STARD13: variants seen among roughly 807,000 people sequenced by gnomAD.
STARD13 encodes stAR-related lipid transfer protein 13.
A neutral mutation model predicts 106.4 loss-of-function variants in STARD13; 62 were observed. The observed-to-expected ratio is 0.58, with a 90% confidence interval of 0.48 to 0.72. The LOEUF (loss-of-function observed/expected upper bound fraction) is 0.72. STARD13 is among the 30% of genes least tolerant of loss of function. The pLI, the probability that STARD13 is intolerant of heterozygous loss-of-function variation, is 0.00. For missense variants in STARD13, 1,387 were observed against 1,424.0 expected (o/e 0.97, Z 0.42); for synonymous variants, 565 against 553.0 (o/e 1.02, Z -0.31).
chr13:33,527,759 T>C, the STARD13 span, among the ~76,000 whole-genome samples: 2 of 151,820 alleles, frequency 1.3e-5, no homozygotes, highest in Non-Finnish European at 2.9e-5. Context: ...TTTTATATAA[T>C]ATTTAAAATT....
chr13:33,566,763 G>GA, the STARD13 span, among the ~76,000 whole-genome samples: 2 of 147,768 alleles, frequency 1.4e-5, no homozygotes, highest in African/African-American at 5.0e-5. Flanking sequence ...GCAGTATGGG[G>GA]ATCACTGCTC....
the STARD13 span, among the ~76,000 whole-genome samples, chr13:33,614,270 C>T: frequency 3.6e-4 from 52 of 145,250 alleles, 1 homozygote; most frequent in Admixed American, 2.7e-4. Flanking sequence ...ATACATTCTC[C>T]GTGTGTGTGT....
chr13:33,410,474 G>T, the STARD13 span, among the ~76,000 whole-genome samples: 1 of 152,140 alleles, frequency 6.6e-6, no homozygotes, highest in Admixed American at 6.5e-5. Context: ...AATGTTTATA[G>T]GTTCTCAGCC....
intron 1 of STARD13, among the ~76,000 whole-genome samples, chr13:33,312,652 G>C (rs934929217): frequency 6.6e-6 from 1 of 152,162 alleles, no homozygotes; most frequent in Non-Finnish European, 1.5e-5. Flanking sequence ...TTGTGGACTT[G>C]CTCCTTCTAA....
the STARD13 span, among the ~76,000 whole-genome samples, chr13:33,570,930 G>A: frequency 6.6e-6 from 1 of 152,156 alleles, no homozygotes; most frequent in Non-Finnish European, 1.5e-5. Flanking sequence ...TATACAGAAA[G>A]ATATGGCTTG....
intron 1 of STARD13, among the ~76,000 whole-genome samples, chr13:33,168,387 G>A (rs531864031): frequency 2.0e-5 from 3 of 152,190 alleles, no homozygotes; most frequent in African/African-American, 4.8e-5. Context: ...ACAGCCCACC[G>A]GACCACCTGC....
At chr13:33,621,849 G>A in the STARD13 span, among the ~76,000 whole-genome samples, 2,144 of 150,032 alleles carry the variant, frequency 0.014, 44 homozygotes, top group African/African-American at 0.05. Flanking sequence ...TTGTCATCCA[G>A]GCTGGAGTGC....
At chr13:33,153,283 G>T (rs1272786433) in intron 3 of STARD13, among the ~76,000 whole-genome samples, 2 of 152,200 alleles carry the variant, frequency 1.3e-5, no homozygotes, top group Admixed American at 6.5e-5. Flanking sequence ...GAAATTGGTA[G>T]AAAGTCCCTT....
intron 1 of STARD13, among the ~76,000 whole-genome samples, chr13:33,168,620 G>T (rs1207106505): frequency 6.6e-6 from 1 of 152,200 alleles, no homozygotes; most frequent in Non-Finnish European, 1.5e-5. Context: ...CTGTTAGGAT[G>T]GGTCCCTGTC....
chr13:33,659,185 T>C, the STARD13 span, among the ~76,000 whole-genome samples: 293 of 151,662 alleles, frequency 1.9e-3, 3 homozygotes, highest in African/African-American at 6.7e-3. Context: ...TTATAGCCTG[T>C]TGGTCAGAAG....
At chr13:33,509,899 G>A in the STARD13 span, among the ~76,000 whole-genome samples, 6 of 152,300 alleles carry the variant, frequency 3.9e-5, no homozygotes, top group South Asian at 2.1e-4. Context: ...TCCATCTGAC[G>A]CATAGCTGTG....
the STARD13 span, among the ~76,000 whole-genome samples, chr13:33,523,389 T>C: frequency 6.6e-6 from 1 of 152,168 alleles, no homozygotes; most frequent in Admixed American, 6.6e-5. Flanking sequence ...GTTTCTCTTG[T>C]TTACTGTCAG....
chr13:33,153,672 C>T (rs1340485546), intron 3 of STARD13, among the ~76,000 whole-genome samples: 1 of 152,226 alleles, frequency 6.6e-6, no homozygotes, highest in East Asian at 1.9e-4. Context: ...TCCCATTTGA[C>T]ATCTAAACTG....
intron 4 of STARD13, among the ~76,000 whole-genome samples, chr13:33,134,819 A>G (rs951458472): frequency 1.3e-5 from 2 of 152,240 alleles, no homozygotes; most frequent in Admixed American, 1.3e-4. Context: ...TAATGACTCT[A>G]ACTTCAAAAA....
the STARD13 span, among the ~76,000 whole-genome samples, chr13:33,417,596 G>T: frequency 2.0e-5 from 3 of 152,138 alleles, no homozygotes; most frequent in African/African-American, 7.2e-5. Context: ...GAATAAAAAA[G>T]TAAAGTATGG....
chr13:33,364,793 G>A, the STARD13 span, among the ~76,000 whole-genome samples: 6 of 152,324 alleles, frequency 3.9e-5, no homozygotes, highest in South Asian at 1.0e-3. Flanking sequence ...GGAGGCTGAG[G>A]CAGGAGAATG....
Position 33,246,744 on chromosome 13 carries a change from T to C in STARD13, c.169+38726A>G, listed in dbSNP as rs778812285. 2.0e-5 allele frequency among the ~76,000 whole-genome samples: 3 copies of C among 151,470 alleles called. No individual in the cohort carries two copies. In the East Asian group the frequency reaches 5.8e-4, roughly 29 times the overall value. On this transcript the variant is annotated intron_variant, in intron 1 of 13. Transcript: ENST00000336934. ...TAAGAGAGAGAGAGAGAGGAGAGAA[T>C]AAAACACTATGCGGTGGGATTTCAA...
chr13:33,169,892 T>C (rs2138386949), intron 1 of STARD13, among the ~76,000 whole-genome samples: 1 of 152,282 alleles, frequency 6.6e-6, no homozygotes, highest in African/African-American at 2.4e-5. Flanking sequence ...GGAATCCTTC[T>C]AGAAAACTCC....
chr13:33,500,730 A>G, the STARD13 span, among the ~76,000 whole-genome samples: 2 of 152,196 alleles, frequency 1.3e-5, no homozygotes, highest in Non-Finnish European at 2.9e-5. Flanking sequence ...GCTGCCAAGT[A>G]TTATTAAAGT....
Sources: gnomAD v4.1 joint callset for allele counts (sites outside exome capture counted in the v4.1 genomes callset) on GRCh38, gnomAD v4.1.1 for gene constraint, MANE v1.5 for transcripts, NCBI Gene and HGNC (gene_info 2026-07-23, HGNC 2026-07-21) for gene names.